Variants in PRKAR1A observed in about 807,000 individuals in gnomAD.
PRKAR1A encodes protein kinase cAMP-dependent type I regulatory subunit alpha.
A neutral mutation model predicts 52.0 loss-of-function variants in PRKAR1A; 3 were observed. That is an observed-to-expected ratio of 0.06 (90% CI 0.03 to 0.15). The LOEUF is 0.15. Among genes scored for constraint, PRKAR1A ranks in the 10% least tolerant of loss-of-function variants. PRKAR1A has a pLI of 1.00. For missense variants in PRKAR1A, 240 were observed against 477.4 expected (o/e 0.50, Z 4.63); for synonymous variants, 188 against 168.4 (o/e 1.12, Z -0.90).
At chr17:68,502,921 TCA>T in the PRKAR1A span, among the ~76,000 whole-genome samples, 69 of 152,298 alleles carry the variant, frequency 4.5e-4, 1 homozygote, top group African/African-American at 1.6e-3. Flanking sequence ...CTGGACTTGA[TCA>T]TACAAGTTAG....
In PRKAR1A at chr17:68,531,231, C is replaced by T. The variant is rs776045747; in HGVS notation, c.*782C>T. The T allele has an allele frequency of 3.8e-6, 4 of 1,066,378 alleles. No individual in the cohort carries two copies. The highest frequency in any genetic ancestry group is 4.5e-6 in the Non-Finnish European group (4 of 879,684). The allele number at this position is 1,066,378 out of a possible 1,614,324, so 66.1% of individuals were successfully genotyped here. ...CTCGGCTCACAAATTCCGATTAGAC[C>T]TTTATCCAGCTAGTGCCAAATAATT... On this transcript the variant is annotated 3_prime_UTR_variant, in exon 11 of 11. Transcript: ENST00000589228.
chr17:68,499,658 G>A, the PRKAR1A span, among the ~76,000 whole-genome samples: 1 of 152,240 alleles, frequency 6.6e-6, no homozygotes, highest in African/African-American at 2.4e-5. Context: ...CAGAATAGGT[G>A]TTGGAATTTC....
At chr17:68,420,308 T>A in the PRKAR1A span, 1 of 1,613,734 alleles carries the variant, frequency 6.2e-7, no homozygotes, top group Non-Finnish European at 8.5e-7. Flanking sequence ...TGGTGCGGAG[T>A]ACCAGGCTGT....
At chr17:68,434,234 G>A in the PRKAR1A span, among the ~76,000 whole-genome samples, 5 of 152,110 alleles carry the variant, frequency 3.3e-5, no homozygotes, top group African/African-American at 9.7e-5. Context: ...ACTTTACATC[G>A]TCCTTTATTT....
chr17:68,468,456 A>G, the PRKAR1A span, among the ~76,000 whole-genome samples: 1 of 152,234 alleles, frequency 6.6e-6, no homozygotes, highest in South Asian at 2.1e-4. Flanking sequence ...TAGGAACACT[A>G]TCAGAAAAGA....
At chr17:68,431,330 A>T in the PRKAR1A span, among the ~76,000 whole-genome samples, 1 of 152,082 alleles carries the variant, frequency 6.6e-6, no homozygotes, top group Non-Finnish European at 1.5e-5. Context: ...AACCTCCCTG[A>T]CAGGGTTGCT....
intron 5 of PRKAR1A, 85 bp from the exon 6 acceptor site, chr17:68,524,826 TA>T: frequency 9.0e-7 from 1 of 1,110,852 alleles, no homozygotes. Flanking sequence ...AGTACCACTG[TA>T]AAATAAGTTT....
downstream of PRKAR1A, chr17:68,537,386 A>C: frequency 6.6e-7 from 1 of 1,505,282 alleles, no homozygotes; most frequent in East Asian, 2.3e-5. The surrounding 1 kb of genome is among the most constrained non-coding windows in gnomAD (Gnocchi z 4.2). Context: ...GACTCCCAGC[A>C]GTAACAGGTG....
intron 11 of PRKAR1A, among the ~76,000 whole-genome samples, chr17:68,550,526 A>G (rs1167742664): frequency 6.6e-6 from 1 of 151,766 alleles, no homozygotes. Context: ...GACTGCATAC[A>G]CGCACCACCA....
chr17:68,465,625 A>ATTTTTTTTTTTTTTTTTT, the PRKAR1A span, among the ~76,000 whole-genome samples: 78 of 67,182 alleles, frequency 1.2e-3, 8 homozygotes, highest in Non-Finnish European at 1.8e-3. Context: ...ACGCCCAGCA[A>ATTTTTTTTTTTTTTTTTT]TTTTTTTTTT....
In PRKAR1A at chr17:68,525,747, A is replaced by G. The variant is rs2143321030; in HGVS notation, c.550-7A>G. ...AATAAACTTTTTTGATGTCACTTGCACTTTAGGTCTATGTTAACAATGAAT... is the reference window on the plus strand; with the variant it reads ...AATAAACTTTTTTGATGTCACTTGCGCTTTAGGTCTATGTTAACAATGAAT... On this transcript the variant is annotated splice_polypyrimidine_tract_variant and splice_region_variant and intron_variant, in intron 6 of 10. Coordinates refer to ENST00000589228, the MANE Select transcript of PRKAR1A (RefSeq NM_002734.5). 6.2e-7 allele frequency: 1 copy of G among 1,613,888 alleles called. No individual in the cohort carries two copies. Among genetic ancestry groups the G allele is most frequent in the Middle Eastern group, 1.7e-4 (1 of 6,058 alleles).
the PRKAR1A span, among the ~76,000 whole-genome samples, chr17:68,473,307 T>C: frequency 6.6e-6 from 1 of 151,702 alleles, no homozygotes; most frequent in African/African-American, 2.4e-5. Flanking sequence ...CTATGGGAGG[T>C]TGAGTGGGAG....
At chr17:68,477,898 T>A in the PRKAR1A span, among the ~76,000 whole-genome samples, 1 of 152,100 alleles carries the variant, frequency 6.6e-6, no homozygotes, top group Admixed American at 6.6e-5. Context: ...AATTTCTGTA[T>A]TTTTAGGAGA....
At chr17:68,432,334 A>C in the PRKAR1A span, among the ~76,000 whole-genome samples, 2 of 152,198 alleles carry the variant, frequency 1.3e-5, no homozygotes, top group Non-Finnish European at 2.9e-5. Context: ...GCCTTTAAAA[A>C]TAGCTTTCTC....
the PRKAR1A span, chr17:68,457,234 C>T: frequency 5.9e-6 from 8 of 1,360,586 alleles, no homozygotes; most frequent in Non-Finnish European, 7.0e-6. Flanking sequence ...CCGGCCCTCC[C>T]GCCGAGGCCG....
chr17:68,517,558 GACTC>G (rs1267802618), intron 2 of PRKAR1A, among the ~76,000 whole-genome samples: 1 of 152,282 alleles, frequency 6.6e-6, no homozygotes, highest in African/African-American at 2.4e-5. Context: ...CTATCGTGAG[GACTC>G]ACTCACTATC....
In PRKAR1A at chr17:68,532,808, CCT is replaced by C. The variant is rs1005335798; in HGVS notation, c.*2366_*2367del. The C allele has an allele frequency of 7.5e-6, 8 of 1,066,326 alleles. No individual in the cohort carries two copies. The highest frequency in any genetic ancestry group is 6.5e-5 in the African/African-American group (4 of 61,076). The allele number at this position is 1,066,326 out of a possible 1,614,324, so 66.1% of individuals were successfully genotyped here. Reference sequence around the variant, plus strand: ...TCTTCCCTTTCTCCTTTCCGTCTTTCCTCTCTCTGTCCTTCCCCGAAAGTCTA... The same window carrying C: ...TCTTCCCTTTCTCCTTTCCGTCTTTCCTCTCTGTCCTTCCCCGAAAGTCTA... On this transcript the variant is annotated 3_prime_UTR_variant, in exon 11 of 11. Coordinates refer to ENST00000589228, the MANE Select transcript of PRKAR1A (RefSeq NM_002734.5).
downstream of PRKAR1A, among the ~76,000 whole-genome samples, chr17:68,534,640 T>C (rs1267934240): frequency 1.3e-5 from 2 of 151,388 alleles, no homozygotes; most frequent in South Asian, 2.1e-4. Flanking sequence ...AGTGTAGTGA[T>C]GAAGTGCTGA....
the PRKAR1A span, chr17:68,427,031 C>A: frequency 1.1e-6 from 1 of 944,538 alleles, no homozygotes. Flanking sequence ...GAGGGCACTC[C>A]ACCCCCAGGT....
Sources: allele counts gnomAD v4.1 joint callset (sites outside exome capture counted in the v4.1 genomes callset), GRCh38; gene constraint gnomAD v4.1.1; non-coding constraint Gnocchi (gnomAD v3.1); transcripts MANE v1.5; gene names NCBI Gene and HGNC (gene_info 2026-07-23, HGNC 2026-07-21).